The following ITFG1 variants were observed in gnomAD, a reference collection of about 807,000 sequenced individuals.
ITFG1 encodes integrin alpha FG-GAP repeat containing 1, also known as T-cell immunomodulatory protein.
A neutral mutation model predicts 81.8 loss-of-function variants in ITFG1; 34 were observed. That is an observed-to-expected ratio of 0.42 (90% CI 0.32 to 0.55). ITFG1 has a LOEUF of 0.55. Ranked by LOEUF, ITFG1 falls within the 20% of genes least tolerant of loss-of-function variation. ITFG1 has a pLI of 0.17. For missense variants in ITFG1, 672 were observed against 755.4 expected, an observed-to-expected ratio of 0.89 and a Z score of 1.29; for synonymous variants, 285 against 270.6, an observed-to-expected ratio of 1.05 and a Z score of -0.52.
chr16:47,211,750 C>T (rs1197932730), intron 14 of ITFG1, among the ~76,000 whole-genome samples: 1 of 152,116 alleles, frequency 6.6e-6, no homozygotes, highest in African/African-American at 2.4e-5. Context: ...TTTTCGGCAT[C>T]AGTTAATATG....
rs186356874 is a variant in ITFG1, at chr16:47,422,246, T to C, written c.655+6558A>G. On this transcript the variant is annotated intron_variant, in intron 6 of 17. Transcript: ENST00000320640. ...TTTCTAGTTCTAGATCCTTGAGGAA[T>C]CACCACACTGTCTTCCACAATGGTC... 5.0e-3 allele frequency among the ~76,000 whole-genome samples: 768 copies of C among 152,332 alleles called. 3 individuals carry two copies. The highest frequency in any genetic ancestry group is 7.6e-3 in the Non-Finnish European group (515 of 68,034).
intron 10 of ITFG1, among the ~76,000 whole-genome samples, chr16:47,271,964 T>G (rs1966346397): frequency 6.6e-6 from 1 of 152,190 alleles, no homozygotes; most frequent in South Asian, 2.1e-4. Context: ...AACTTGCATA[T>G]GAATGTTCAC....
At chr16:47,207,090 AT>A (rs900933045) in intron 14 of ITFG1, among the ~76,000 whole-genome samples, 3 of 150,158 alleles carry the variant, frequency 2.0e-5, no homozygotes, top group Admixed American at 6.6e-5. Context: ...CTCTTATTTT[AT>A]TTTTTTTTTG....
At chr16:47,272,026 T>C (rs979305710) in intron 10 of ITFG1, among the ~76,000 whole-genome samples, 1 of 152,170 alleles carries the variant, frequency 6.6e-6, no homozygotes, top group Non-Finnish European at 1.5e-5. Flanking sequence ...GTCCATCAAC[T>C]GAAGGATGAA....
chr16:47,393,642 A>C (rs1245208524), intron 6 of ITFG1, among the ~76,000 whole-genome samples: 2 of 152,078 alleles, frequency 1.3e-5, no homozygotes, highest in Non-Finnish European at 2.9e-5. Context: ...GAGGCATAAG[A>C]ATCACTTGAA....
At chr16:47,409,050 A>G (rs1399421621) in intron 6 of ITFG1, among the ~76,000 whole-genome samples, 6 of 152,236 alleles carry the variant, frequency 3.9e-5, no homozygotes, top group African/African-American at 1.2e-4. Context: ...CAAAAAAAGC[A>G]AACAATTTTT....
intron 8 of ITFG1, among the ~76,000 whole-genome samples, chr16:47,315,768 C>CATATAT (rs546244760): frequency 6.9e-6 from 1 of 144,468 alleles, no homozygotes; most frequent in African/African-American, 2.9e-5. Context: ...TTCTAAATGC[C>CATATAT]ATATATATAT....
At chr16:47,459,921 T>G (rs1448753036) in intron 1 of ITFG1, among the ~76,000 whole-genome samples, 1 of 152,118 alleles carries the variant, frequency 6.6e-6, no homozygotes, top group African/African-American at 2.4e-5. Context: ...AGAAGTCTGG[T>G]TCAGGATCCT....
At chr16:47,451,883 A>G (rs1476534415) in intron 4 of ITFG1, among the ~76,000 whole-genome samples, 1 of 152,322 alleles carries the variant, frequency 6.6e-6, no homozygotes, top group Admixed American at 6.5e-5. Context: ...CATTATCTAG[A>G]CTACCCTTGA....
At chr16:47,261,369 A>G (rs1966207575) in intron 10 of ITFG1, among the ~76,000 whole-genome samples, 2 of 152,228 alleles carry the variant, frequency 1.3e-5, no homozygotes, top group South Asian at 4.1e-4. Flanking sequence ...GAGTACTTAG[A>G]GCATAGGTTG....
At chr16:47,189,446 A>G (rs566637873) in intron 14 of ITFG1, among the ~76,000 whole-genome samples, 1 of 152,322 alleles carries the variant, frequency 6.6e-6, no homozygotes, top group Admixed American at 6.5e-5. Context: ...CCTTTCATAT[A>G]AATGAAGTTG....
At chr16:47,223,405 C>A (rs1965717552) in intron 13 of ITFG1, among the ~76,000 whole-genome samples, 1 of 151,674 alleles carries the variant, frequency 6.6e-6, no homozygotes. Context: ...AACAAACAAC[C>A]CCATGAACAG....
intron 8 of ITFG1, among the ~76,000 whole-genome samples, chr16:47,333,078 T>A (rs1967656289): frequency 6.6e-6 from 1 of 151,352 alleles, no homozygotes; most frequent in African/African-American, 2.4e-5. Context: ...CTGTTCTTAT[T>A]TTTTTTTTCT....
At chr16:47,223,148 G>A (rs1965714094) in intron 13 of ITFG1, among the ~76,000 whole-genome samples, 1 of 151,370 alleles carries the variant, frequency 6.6e-6, no homozygotes, top group Non-Finnish European at 1.5e-5. Flanking sequence ...GAAAACCTAG[G>A]CATTACCATT....
At chr16:47,333,416 C>A (rs1967662111) in intron 8 of ITFG1, among the ~76,000 whole-genome samples, 1 of 152,104 alleles carries the variant, frequency 6.6e-6, no homozygotes, top group Non-Finnish European at 1.5e-5. Flanking sequence ...AATTAGAGAC[C>A]TAGCAAGCAG....
At chr16:47,382,211 C>A (rs541414307) in intron 6 of ITFG1, among the ~76,000 whole-genome samples, 1 of 152,238 alleles carries the variant, frequency 6.6e-6, no homozygotes, top group African/African-American at 2.4e-5. Context: ...TGGTTTGAAA[C>A]CTCTGATAGA....
intron 5 of ITFG1, among the ~76,000 whole-genome samples, chr16:47,433,466 A>G (rs1969118420): frequency 6.6e-6 from 1 of 152,064 alleles, no homozygotes; most frequent in Non-Finnish European, 1.5e-5. Context: ...TGCTTCACTC[A>G]CTCTGGTTTC....
intron 10 of ITFG1, among the ~76,000 whole-genome samples, chr16:47,266,287 G>A (rs527270132): frequency 3.0e-4 from 45 of 152,092 alleles, no homozygotes; most frequent in African/African-American, 1.1e-3. Flanking sequence ...GCACAATCTC[G>A]GCTCACTGCA....
intron 13 of ITFG1, 36 bp from the exon 14 acceptor site, chr16:47,218,982 A>C (rs1965659411): frequency 7.0e-7 from 1 of 1,429,024 alleles, no homozygotes; most frequent in Non-Finnish European, 9.6e-7. Flanking sequence ...AGGCTTGGAA[A>C]ATAAGTGAAT....
Sources: gnomAD v4.1 joint callset for allele counts (sites outside exome capture counted in the v4.1 genomes callset) on GRCh38, gnomAD v4.1.1 for gene constraint, MANE v1.5 for transcripts, NCBI Gene and HGNC (gene_info 2026-07-23, HGNC 2026-07-21) for gene names.